Variants in HCN1 observed in about 807,000 individuals in gnomAD.
The protein encoded by HCN1 is potassium/sodium hyperpolarization-activated cyclic nucleotide-gated channel 1.
HCN1 carries 13 observed loss-of-function variants against 78.9 expected under a neutral mutation model. The observed-to-expected ratio is 0.16, with a 90% confidence interval of 0.11 to 0.26. HCN1 has a LOEUF of 0.26. Among genes scored for constraint, HCN1 ranks in the 10% least tolerant of loss-of-function variants. The pLI is 1.00. For synonymous variants in HCN1, 552 were observed against 455.5 expected (o/e 1.21, Z -2.70); for missense variants, 810 against 1,154.3 (o/e 0.70, Z 4.32).
At chr5:45,549,914 C>T (rs1273315649) in intron 2 of HCN1, among the ~76,000 whole-genome samples, 1 of 152,048 alleles carries the variant, frequency 6.6e-6, no homozygotes, top group Non-Finnish European at 1.5e-5. Flanking sequence ...TCATCACTGG[C>T]CATCAGAGAA....
At chr5:45,658,747 G>A (rs944179696) in intron 1 of HCN1, among the ~76,000 whole-genome samples, 13 of 151,956 alleles carry the variant, frequency 8.6e-5, no homozygotes, top group East Asian at 1.9e-4. Context: ...TTTTCAGACC[G>A]GCTTAAAAAA....
chr5:45,438,310 G>A (rs556076498), intron 3 of HCN1, among the ~76,000 whole-genome samples: 1 of 152,126 alleles, frequency 6.6e-6, no homozygotes, highest in Non-Finnish European at 1.5e-5. Flanking sequence ...AGATGTTAAA[G>A]AGCTCTTGAG....
chr5:45,279,044 T>G (rs1228964989), intron 6 of HCN1, among the ~76,000 whole-genome samples: 1 of 152,144 alleles, frequency 6.6e-6, no homozygotes, highest in Non-Finnish European at 1.5e-5. Flanking sequence ...TTTTTTTCCT[T>G]ACAAATAGAT....
intron 3 of HCN1, among the ~76,000 whole-genome samples, chr5:45,417,585 C>T (rs1740142031): frequency 6.6e-6 from 1 of 151,294 alleles, no homozygotes; most frequent in South Asian, 2.1e-4. Flanking sequence ...TTGTGATATC[C>T]AACATAAAGC....
intron 2 of HCN1, among the ~76,000 whole-genome samples, chr5:45,513,680 C>A (rs1388751337): frequency 6.6e-6 from 1 of 152,144 alleles, no homozygotes; most frequent in Admixed American, 6.6e-5. Flanking sequence ...TTGCACGTTA[C>A]CCTTATGAGA....
intron 5 of HCN1, among the ~76,000 whole-genome samples, chr5:45,304,607 G>A (rs146218031): frequency 5.9e-5 from 9 of 152,050 alleles, no homozygotes; most frequent in South Asian, 2.1e-4. Flanking sequence ...CCCAGGAGGC[G>A]GAGATTGCAG....
chr5:45,380,828 C>T (rs575487361), intron 4 of HCN1, among the ~76,000 whole-genome samples: 17 of 152,178 alleles, frequency 1.1e-4, no homozygotes, highest in East Asian at 7.7e-4. Context: ...TCTGGAACCA[C>T]GAGATAAGAC....
Position 45,260,226 on chromosome 5 carries a change from G to A in HCN1, c.*1695C>T, listed in dbSNP as rs1352692046. On this transcript the variant is annotated 3_prime_UTR_variant, in exon 8 of 8. Transcript: ENST00000303230. ...TCTTAAATGTATTGCCAGTGCCAGA[G>A]ATACTGAAGACCTCCACTTTAAGTC... The A allele has an allele frequency of 6.6e-6, 1 of 152,200 alleles. No homozygotes were observed. Among genetic ancestry groups the A allele is most frequent in the Non-Finnish European group, 1.5e-5 (1 of 68,038 alleles). The allele number at this position is 152,200 out of a possible 1,614,324, so 9.4% of individuals were successfully genotyped here. A position where few individuals can be genotyped will look rare whatever the true frequency, so the allele number is the denominator to read the frequency against.
intron 3 of HCN1, among the ~76,000 whole-genome samples, chr5:45,433,969 A>T (rs1740514597): frequency 6.6e-6 from 1 of 152,178 alleles, no homozygotes; most frequent in Non-Finnish European, 1.5e-5. Flanking sequence ...AACTAATGTG[A>T]TTTAAGGAGG....
chr5:45,593,318 TCTCC>T (rs1490935408), intron 2 of HCN1, among the ~76,000 whole-genome samples: 64 of 45,928 alleles, frequency 1.4e-3, no homozygotes, highest in Admixed American at 2.4e-3. Flanking sequence ...TCTCTCTCTC[TCTCC>T]CTCTCTCTCT....
At chr5:45,363,929 ATACACGTGGTCTTAC>A (rs1012014835) in intron 4 of HCN1, among the ~76,000 whole-genome samples, 2 of 151,984 alleles carry the variant, frequency 1.3e-5, no homozygotes, top group African/African-American at 4.8e-5. Context: ...AAATGGGCTA[ATACACGTGGTCTTAC>A]TACTCCTGTT....
chr5:45,682,919 ATT>A (rs1400348779), intron 1 of HCN1, among the ~76,000 whole-genome samples: 2 of 152,042 alleles, frequency 1.3e-5, no homozygotes, highest in East Asian at 3.8e-4. Context: ...ATCTTGTCAT[ATT>A]TTTTCTTTAC....
chr5:45,371,017 A>G (rs1055229059), intron 4 of HCN1, among the ~76,000 whole-genome samples: 1 of 152,080 alleles, frequency 6.6e-6, no homozygotes, highest in African/African-American at 2.4e-5. Flanking sequence ...TAGAGAAGGA[A>G]GAAAACATTA....
intron 1 of HCN1, among the ~76,000 whole-genome samples, chr5:45,659,155 C>G (rs888982764): frequency 1.3e-5 from 2 of 150,468 alleles, no homozygotes; most frequent in African/African-American, 4.9e-5. Flanking sequence ...CCCTGACCCC[C>G]GAGCAGCCTA....
chr5:45,636,915 A>T (rs1745366479), intron 2 of HCN1, among the ~76,000 whole-genome samples: 1 of 152,216 alleles, frequency 6.6e-6, no homozygotes, highest in Admixed American at 6.5e-5. Context: ...CAATAAAGGG[A>T]TAACAAACTC....
rs1456053770 is a variant in HCN1 at position 45,261,379 on chromosome 5, T to G, written c.*542A>C. On this transcript the variant is annotated 3_prime_UTR_variant, in exon 8 of 8. Coordinates refer to ENST00000303230, the MANE Select transcript of HCN1 (RefSeq NM_021072.4). ...GGTGGCCAAGCAAGTAGTGCATTCT[T>G]TAACCTAATTTGAAATTGAAAGCAC... The G allele has an allele frequency of 6.5e-6, 1 of 153,486 alleles. No individual in the cohort carries two copies. Among genetic ancestry groups the G allele is most frequent in the Non-Finnish European group, 1.5e-5 (1 of 68,890 alleles). The allele number at this position is 153,486 out of a possible 1,614,324, so 9.5% of individuals were successfully genotyped here.
intron 3 of HCN1, among the ~76,000 whole-genome samples, chr5:45,451,744 A>AATT (rs1459759835): frequency 9.9e-5 from 15 of 152,002 alleles, no homozygotes; most frequent in African/African-American, 3.6e-4. Flanking sequence ...AAGTCACCTA[A>AATT]AGGCCAAAAA....
rs1744730527 is a variant in HCN1, at chr5:45,261,240, G to A, written c.*681C>T. The A allele has an allele frequency of 6.6e-6, 1 of 152,634 alleles. No homozygotes were observed. Among genetic ancestry groups the A allele is most frequent in the Non-Finnish European group, 1.5e-5 (1 of 68,044 alleles). The allele number at this position is 152,634 out of a possible 1,614,324, so 9.5% of individuals were successfully genotyped here. ...TAACATTGATCGAGTCTTGGTAAAA[G>A]TCCGATAACACATGAAGACAAATAT... On this transcript the variant is annotated 3_prime_UTR_variant, in exon 8 of 8. Coordinates refer to ENST00000303230, the MANE Select transcript of HCN1 (RefSeq NM_021072.4).
intron 3 of HCN1, among the ~76,000 whole-genome samples, chr5:45,461,606 G>A (rs1187221281): frequency 6.6e-6 from 1 of 151,980 alleles, no homozygotes; most frequent in African/African-American, 2.4e-5. Context: ...AGTATACACA[G>A]AATAAAATAT....
Sources: gnomAD v4.1 joint callset for allele counts (sites outside exome capture counted in the v4.1 genomes callset) on GRCh38, gnomAD v4.1.1 for gene constraint, MANE v1.5 for transcripts, NCBI Gene and HGNC (gene_info 2026-07-23, HGNC 2026-07-21) for gene names.